SND1: variants seen among roughly 807,000 people sequenced by gnomAD.
SND1 encodes the protein staphylococcal nuclease domain-containing protein 1.
A neutral mutation model predicts 121.7 loss-of-function variants in SND1; 38 were observed. The observed-to-expected ratio is 0.31, with a 90% CI of 0.24 to 0.41. The LOEUF is 0.41. SND1 is among the 10% of genes least tolerant of loss of function. The pLI, the probability that SND1 is intolerant of heterozygous loss-of-function variation, is 1.00. For missense variants in SND1, 868 were observed against 1,184.6 expected, an observed-to-expected ratio of 0.73 and a Z score of 3.92; for synonymous variants, 401 against 447.4, an observed-to-expected ratio of 0.90 and a Z score of 1.31.
intron 1 of SND1, among the ~76,000 whole-genome samples, chr7:127,669,095 C>G (rs1472916053): frequency 1.3e-5 from 2 of 152,088 alleles, no homozygotes; most frequent in Non-Finnish European, 2.9e-5. Flanking sequence ...CAGGTTCAAG[C>G]GATTCTTCTG....
intron 10 of SND1, among the ~76,000 whole-genome samples, chr7:127,746,209 A>G (rs578034775): frequency 6.6e-6 from 1 of 152,326 alleles, no homozygotes; most frequent in South Asian, 2.1e-4. Context: ...TTTATTTCAT[A>G]GCATAGTCTC....
chr7:128,024,059 T>C (rs1193263849), intron 16 of SND1, among the ~76,000 whole-genome samples: 3 of 86,296 alleles, frequency 3.5e-5, no homozygotes, highest in Non-Finnish European at 4.2e-5. Flanking sequence ...CACTATGCTA[T>C]ATTGCTGTGT....
intron 13 of SND1, among the ~76,000 whole-genome samples, chr7:127,892,322 T>TG (rs1334839805): frequency 6.6e-6 from 1 of 152,068 alleles, no homozygotes; most frequent in Non-Finnish European, 1.5e-5. Flanking sequence ...AGGCACTCAT[T>TG]GGGAGACTAG....
chr7:127,736,357 A>C (rs1023528557), intron 10 of SND1, among the ~76,000 whole-genome samples: 1 of 152,242 alleles, frequency 6.6e-6, no homozygotes. Flanking sequence ...TTCATGTTTT[A>C]TAACTGAGAA....
At chr7:127,895,712 C>A (rs1156488406) in intron 13 of SND1, among the ~76,000 whole-genome samples, 2 of 152,076 alleles carry the variant, frequency 1.3e-5, no homozygotes, top group Non-Finnish European at 2.9e-5. Flanking sequence ...TTAGCTTTTC[C>A]CTTTCTTCAG....
chr7:127,740,009 T>C (rs532915011), intron 10 of SND1, among the ~76,000 whole-genome samples: 23 of 152,322 alleles, frequency 1.5e-4, no homozygotes, highest in African/African-American at 5.5e-4. Flanking sequence ...CCCTTTCTTA[T>C]TGCCAGCATA....
intron 12 of SND1, among the ~76,000 whole-genome samples, chr7:127,886,805 G>C: frequency 6.8e-6 from 1 of 146,292 alleles, no homozygotes; most frequent in Non-Finnish European, 1.5e-5. Flanking sequence ...GCCACATAGA[G>C]TGGCATCTCT....
Position 128,081,430 on chromosome 7 carries a change from C to G in SND1, c.2039C>G (p.Ala680Gly), listed in dbSNP as rs1793600401. 6.2e-7 allele frequency: 1 copy of G among 1,614,080 alleles called. No individual in the cohort carries two copies. Among genetic ancestry groups the G allele is most frequent in the Non-Finnish European group, 8.5e-7 (1 of 1,180,030 alleles). ...GTGCTGGAGGAGAAGGAGCGATCTGCTAGCTACAAGCCCGTGTTTGTGACT... is the reference window on the plus strand; with the variant it reads ...GTGCTGGAGGAGAAGGAGCGATCTGGTAGCTACAAGCCCGTGTTTGTGACT... The part of the protein sequence containing the change: ...MPVLEEKERS[A>G]SYKPVFVTEI... The change falls in exon 18 of 24, where the codon GCT becomes GGT. Residue 680 changes from alanine (A) to glycine (G), a missense_variant. This residue lies in a region of SND1 where 743 missense variants were observed against 1,071.3 expected (regional missense o/e 0.69). Coordinates refer to ENST00000354725, the MANE Select transcript of SND1 (RefSeq NM_014390.4).
At chr7:127,729,529 GC>G (rs1180850343) in intron 10 of SND1, among the ~76,000 whole-genome samples, 1 of 150,594 alleles carries the variant, frequency 6.6e-6, no homozygotes, top group African/African-American at 2.4e-5. Flanking sequence ...TGCAGGCTGG[GC>G]TGTAGGTTTC....
At chr7:127,734,396 T>G (rs916220014) in intron 10 of SND1, among the ~76,000 whole-genome samples, 5 of 152,190 alleles carry the variant, frequency 3.3e-5, no homozygotes, top group African/African-American at 1.2e-4. Flanking sequence ...AGTTTCAGGT[T>G]GAATTTTACG....
At position 127,887,791 on chromosome 7, in the gene SND1, T is replaced by C. The variant is rs1441975279; in HGVS notation, c.1344-111T>C. On this transcript the variant is annotated intron_variant, in intron 12 of 23. Transcript: ENST00000354725. ...ATAGGTCTTGAAACCTTGGCTTCTCTCTCCCTCTGCCAGAATGCGTTAAGA... is the reference window on the plus strand; with the variant it reads ...ATAGGTCTTGAAACCTTGGCTTCTCCCTCCCTCTGCCAGAATGCGTTAAGA... The C allele has an allele frequency of 9.3e-6, 6 of 643,090 alleles. No individual in the cohort carries two copies. In the South Asian group the frequency reaches 1.1e-4, roughly 12 times the overall value. 39.8% of individuals were successfully genotyped at this position (643,090 alleles called of 1,614,324 possible).
intron 3 of SND1, among the ~76,000 whole-genome samples, chr7:127,698,380 T>C (rs1796044931): frequency 6.6e-6 from 1 of 152,228 alleles, no homozygotes; most frequent in African/African-American, 2.4e-5. Context: ...GGCACTGTGC[T>C]TGGTGATTTA....
chr7:128,048,439 A>G (rs781450057), intron 16 of SND1, among the ~76,000 whole-genome samples: 30 of 152,332 alleles, frequency 2.0e-4, no homozygotes, highest in Middle Eastern at 3.4e-3. Flanking sequence ...CTGTGATGCC[A>G]GAGCAGGCCT....
intron 18 of SND1, chr7:128,081,936 G>A: frequency 1.9e-6 from 1 of 535,526 alleles, no homozygotes; most frequent in Non-Finnish European, 3.8e-6. Flanking sequence ...GTGGTGCTGG[G>A]TTTGTCTCTG....
chr7:128,074,391 C>A, intron 16 of SND1, 111 bp from the exon 17 acceptor site: 2 of 1,120,002 alleles, frequency 1.8e-6, no homozygotes, highest in Non-Finnish European at 2.5e-6. Flanking sequence ...TTGGCAGCGG[C>A]TGCCAAGGCC....
intron 1 of SND1, among the ~76,000 whole-genome samples, chr7:127,662,874 G>A (rs1250330834): frequency 6.7e-6 from 1 of 149,746 alleles, no homozygotes; most frequent in Non-Finnish European, 1.5e-5. Context: ...CATAACCCGT[G>A]CACAACCTCT....
chr7:127,771,526 C>T (rs912376067), intron 10 of SND1, among the ~76,000 whole-genome samples: 4 of 151,980 alleles, frequency 2.6e-5, no homozygotes, highest in Non-Finnish European at 1.5e-5. Context: ...TTTTGCCAGT[C>T]GATTTTCCAT....
At chr7:127,658,361 A>G (rs1357665386) in intron 1 of SND1, among the ~76,000 whole-genome samples, 3 of 152,132 alleles carry the variant, frequency 2.0e-5, no homozygotes, top group Non-Finnish European at 4.4e-5. Flanking sequence ...ACTTAGTCAT[A>G]TGCTTGTTTC....
At chr7:128,040,831 C>G (rs943889077) in intron 16 of SND1, among the ~76,000 whole-genome samples, 1 of 152,228 alleles carries the variant, frequency 6.6e-6, no homozygotes, top group Non-Finnish European at 1.5e-5. Context: ...CTTTCTTGAT[C>G]TGTTGTTCAT....
Sources: allele counts gnomAD v4.1 joint callset (sites outside exome capture counted in the v4.1 genomes callset), GRCh38; gene constraint gnomAD v4.1.1; regional missense constraint gnomAD v4.1.1; transcripts MANE v1.5; gene names NCBI Gene and HGNC (gene_info 2026-07-23, HGNC 2026-07-21).